The following PMFBP1 variants were observed in gnomAD, a reference collection of about 807,000 sequenced individuals.
PMFBP1 encodes the protein polyamine-modulated factor 1-binding protein 1.
Under a neutral mutation model 137.8 loss-of-function variants are expected in PMFBP1, and 131 were observed. The ratio of observed to expected loss-of-function variants is 0.95; its 90% confidence interval spans 0.82 to 1.10. The LOEUF is 1.10. PMFBP1 is among the 50% of genes least tolerant of loss of function. The pLI is 0.00. For synonymous variants in PMFBP1, 490 were observed against 450.4 expected (o/e 1.09, Z -1.11); for missense variants, 1,199 against 1,175.4 (o/e 1.02, Z -0.29).
At chr16:72,213,299 C>G in the PMFBP1 span, among the ~76,000 whole-genome samples, 1 of 152,148 alleles carries the variant, frequency 6.6e-6, no homozygotes, top group Non-Finnish European at 1.5e-5. Flanking sequence ...TCCTCTTGAG[C>G]TGGACTTAGT....
intron 14 of PMFBP1, among the ~76,000 whole-genome samples, chr16:72,127,087 C>T (rs773061791): frequency 1.3e-5 from 2 of 152,242 alleles, no homozygotes; most frequent in Non-Finnish European, 2.9e-5. Flanking sequence ...CTCAGAAATT[C>T]ATATGCCTGA....
chr16:72,141,098 C>T (rs1011465333), intron 5 of PMFBP1, among the ~76,000 whole-genome samples: 4 of 151,904 alleles, frequency 2.6e-5, no homozygotes, highest in African/African-American at 9.7e-5. Context: ...CCATGCCGGG[C>T]TAATTTTTTT....
chr16:72,215,238 TGA>T, the PMFBP1 span, among the ~76,000 whole-genome samples: 1 of 151,966 alleles, frequency 6.6e-6, no homozygotes, highest in African/African-American at 2.4e-5. Context: ...AAGGAGGACA[TGA>T]GCCCTTAAAT....
intron 2 of PMFBP1, among the ~76,000 whole-genome samples, chr16:72,165,418 CTTT>C (rs111960622): frequency 2.1e-5 from 3 of 143,852 alleles, no homozygotes; most frequent in Non-Finnish European, 3.1e-5. Context: ...TTCTTTCTTT[CTTT>C]TTTTTTTTTT....
the PMFBP1 span, among the ~76,000 whole-genome samples, chr16:72,246,509 T>G: frequency 6.6e-5 from 10 of 152,104 alleles, no homozygotes; most frequent in African/African-American, 2.2e-4. Flanking sequence ...CGTGCCTTAA[T>G]GTCCTCACAC....
At chr16:72,185,493 C>A in the PMFBP1 span, among the ~76,000 whole-genome samples, 2 of 152,084 alleles carry the variant, frequency 1.3e-5, no homozygotes, top group African/African-American at 4.8e-5. Flanking sequence ...TTTGGGTTCA[C>A]TCAGAACTCA....
At chr16:72,196,917 A>G in the PMFBP1 span, among the ~76,000 whole-genome samples, 1 of 152,262 alleles carries the variant, frequency 6.6e-6, no homozygotes, top group Non-Finnish European at 1.5e-5. Flanking sequence ...ATCCAAGTGC[A>G]GTGTGACTTA....
At chr16:72,237,728 G>C in the PMFBP1 span, among the ~76,000 whole-genome samples, 3 of 152,008 alleles carry the variant, frequency 2.0e-5, no homozygotes, top group Non-Finnish European at 4.4e-5. Context: ...TTGTTCTACA[G>C]ATTATTTTGT....
the PMFBP1 span, among the ~76,000 whole-genome samples, chr16:72,195,555 T>C: frequency 1.3e-5 from 2 of 152,296 alleles, no homozygotes; most frequent in East Asian, 3.9e-4. Context: ...TACACTCTTT[T>C]ATGTTACTTT....
At chr16:72,156,081 G>A (rs922240462) in intron 3 of PMFBP1, among the ~76,000 whole-genome samples, 1 of 152,058 alleles carries the variant, frequency 6.6e-6, no homozygotes, top group South Asian at 2.1e-4. Context: ...CCACCTCCCC[G>A]GTTCAAGTGA....
In PMFBP1 at chr16:72,119,996, C is replaced by T; in HGVS notation, c.2862G>A (p.Arg954=). 6.2e-7 allele frequency: 1 copy of T among 1,614,144 alleles called. No individual in the cohort carries two copies. The highest frequency in any genetic ancestry group is 8.5e-7 in the Non-Finnish European group (1 of 1,180,026). Residue 954 remains arginine (R), a synonymous_variant, in exon 20 of 21, where the codon AGG becomes AGA. Transcript: ENST00000237353. ...EEKKMKAENT[R]LCTKALGPSR... ...TCGGGCCTAGGGCTTTGGTGCATAG[C>T]CTTGTGTTCTCGGCTTTCATCTTCT...
the PMFBP1 span, among the ~76,000 whole-genome samples, chr16:72,231,597 A>G: frequency 6.6e-6 from 1 of 152,214 alleles, no homozygotes; most frequent in Admixed American, 6.5e-5. Context: ...GCTAAAGATC[A>G]GTTTTTAAAA....
intron 20 of PMFBP1, chr16:72,119,564 A>G: frequency 6.9e-7 from 1 of 1,449,676 alleles, no homozygotes; most frequent in Non-Finnish European, 9.0e-7. Flanking sequence ...CCAGACGTAG[A>G]AGGAAGATGC....
the PMFBP1 span, among the ~76,000 whole-genome samples, chr16:72,240,330 T>C: frequency 3.3e-5 from 5 of 152,370 alleles, no homozygotes; most frequent in East Asian, 7.7e-4. Context: ...ATTATTCTAA[T>C]GTTTCAGATG....
chr16:72,139,041 T>C (rs143846215), intron 7 of PMFBP1, among the ~76,000 whole-genome samples: 9 of 152,184 alleles, frequency 5.9e-5, no homozygotes, highest in African/African-American at 1.7e-4. Context: ...AACAGAAATA[T>C]TGTCTTGTTT....
the PMFBP1 span, among the ~76,000 whole-genome samples, chr16:72,226,893 G>A: frequency 6.6e-6 from 1 of 152,118 alleles, no homozygotes; most frequent in Admixed American, 6.5e-5. Flanking sequence ...AGGTTTTAGC[G>A]AAGATGAGAT....
At chr16:72,225,345 C>T in the PMFBP1 span, among the ~76,000 whole-genome samples, 4 of 152,060 alleles carry the variant, frequency 2.6e-5, no homozygotes, top group East Asian at 7.7e-4. Context: ...GTCAAGCTTA[C>T]CACCTTAGGT....
chr16:72,230,227 T>G, the PMFBP1 span, among the ~76,000 whole-genome samples: 2 of 152,144 alleles, frequency 1.3e-5, no homozygotes, highest in African/African-American at 4.8e-5. Flanking sequence ...CCTCTCTGAT[T>G]GTCTTCCCTT....
chr16:72,148,533 A>G (rs1440570862), intron 5 of PMFBP1, among the ~76,000 whole-genome samples: 1 of 152,208 alleles, frequency 6.6e-6, no homozygotes, highest in African/African-American at 2.4e-5. Context: ...AAAAAATAAA[A>G]AAAATTAAAA....
Sources: gnomAD v4.1 joint callset for allele counts (sites outside exome capture counted in the v4.1 genomes callset) on GRCh38, gnomAD v4.1.1 for gene constraint, MANE v1.5 for transcripts, NCBI Gene and HGNC (gene_info 2026-07-23, HGNC 2026-07-21) for gene names.